NOS2: variants seen among roughly 807,000 people sequenced by gnomAD.
NOS2 encodes the protein nitric oxide synthase 2, also known as nitric oxide synthase, inducible.
A neutral mutation model predicts 136.0 loss-of-function variants in NOS2; 96 were observed. The observed-to-expected ratio is 0.71, with a 90% CI of 0.60 to 0.84. The LOEUF (loss-of-function observed/expected upper bound fraction) is 0.84, where lower values mean the gene tolerates loss of function less well. Among genes scored for constraint, NOS2 ranks in the 40% least tolerant of loss-of-function variants. The pLI, the probability that NOS2 is intolerant of heterozygous loss-of-function variation, is 0.00. For missense variants in NOS2, 1,237 were observed against 1,496.9 expected (o/e 0.83, Z 2.87); for synonymous variants, 539 against 587.5 (o/e 0.92, Z 1.20).
rs773023737 is a variant in NOS2, at chr17:27,772,411, G to A, written c.1601C>T (p.Ala534Val). Residue 534 changes from alanine (A) to valine (V), a missense_variant, in exon 14 of 27, where the codon GCG becomes GTG. Around this residue, in one of 3 missense-constraint regions of NOS2, gnomAD observed 782 missense variants for 909.9 expected, o/e 0.86. Transcript: ENST00000313735. ...GAGGATGGTGACTCTGACTCGGGAC[G>A]CCATTGTCTTGCGCATCAGCATACA... The part of the protein sequence containing the change: ...FACMLMRKTM[A>V]SRVRVTILFA... 45 of 1,613,924 alleles carry A rather than the reference G, an allele frequency of 2.8e-5. No homozygotes were observed. Among genetic ancestry groups the A allele is most frequent in the South Asian group, 5.5e-5 (5 of 91,084 alleles).
chr17:27,787,696 T>C lies in NOS2; in HGVS notation c.449A>G (p.Tyr150Cys). The C allele has an allele frequency of 6.2e-7, 1 of 1,613,156 alleles. No homozygotes were observed. Among genetic ancestry groups the C allele is most frequent in the Non-Finnish European group, 8.5e-7 (1 of 1,179,644 alleles). The change falls in exon 5 of 27, where the codon TAT becomes TGT. Residue 150 changes from tyrosine (Y) to cysteine (C), a missense_variant. Around this residue, in one of 3 missense-constraint regions of NOS2, gnomAD observed 440 missense variants for 545.4 expected, o/e 0.81. Transcript: ENST00000313735. ...LPQAIEFVNQ[Y>C]YGSFKEAKIE... is the part of the protein sequence containing the mutation. ...GCCTTACTCTTTGAAGGAGCCGTAA[T>C]ATTGGTTGACAAATTCGATAGCTTG...
At chr17:27,767,517 G>A (rs1225395317) in intron 18 of NOS2, among the ~76,000 whole-genome samples, 188 bp downstream of exon 18, 6 of 152,218 alleles carry the variant, frequency 3.9e-5, no homozygotes, top group Admixed American at 3.9e-4. Flanking sequence ...CCCTCCTGGG[G>A]CTCCCTCCTG....
In NOS2 at chr17:27,780,799, G is replaced by A. The variant is rs1032838114; in HGVS notation, c.972C>T (p.Asp324=). The A allele has an allele frequency of 1.2e-6, 2 of 1,614,206 alleles. No individual in the cohort carries two copies. The highest frequency in any genetic ancestry group is 8.5e-7 in the Non-Finnish European group (1 of 1,180,034). The change falls in exon 9 of 27, where the codon GAC becomes GAT. Residue 324 remains aspartate, a synonymous_variant. Coordinates refer to ENST00000313735, the MANE Select transcript of NOS2 (RefSeq NM_000625.4). ...RDPELFEIPP[D]LVLEVAMEHP... ...GTTCCATGGCCACCTCAAGCACAAG[G>A]TCAGGTGGGATTTCGAAGAGCTCAG...
At chr17:27,791,802 C>T (rs141501827) in intron 2 of NOS2, among the ~76,000 whole-genome samples, 126 of 124,342 alleles carry the variant, frequency 1.0e-3, no homozygotes, top group African/African-American at 3.7e-3. Context: ...CAAAACAAAA[C>T]AAAAATATAT....
intron 26 of NOS2, 25 bp from the exon 27 acceptor site, chr17:27,757,378 C>T (rs200170947): frequency 1.1e-4 from 174 of 1,607,386 alleles, no homozygotes; most frequent in Middle Eastern, 5.0e-4. Flanking sequence ...CAGAGAGCAA[C>T]GTGTCAAGTC....
chr17:27,769,547 T>G lies in NOS2; in HGVS notation c.1847A>C (p.Asn616Thr). 1.2e-6 allele frequency: 2 copies of G among 1,613,676 alleles called. No homozygotes were observed. The highest frequency in any genetic ancestry group is 1.7e-4 in the Middle Eastern group (1 of 6,012). ...KKSLFMLKELNNKFRYAVFGL... is the reference protein window; with the variant it reads ...KKSLFMLKELTNKFRYAVFGL... ...GAAAAAGCTTTACCTGAATTTGTTG[T>G]TGAGCTCTTTCAGCATGAAGAGCGA... Residue 616 changes from asparagine (N) to threonine (T), a missense_variant, in exon 16 of 27, where the codon AAC becomes ACC. Transcript: ENST00000313735.
chr17:27,791,136 A>G (rs887137477), intron 2 of NOS2, among the ~76,000 whole-genome samples: 1 of 152,254 alleles, frequency 6.6e-6, no homozygotes, highest in African/African-American at 2.4e-5. Flanking sequence ...ATTTTTTACT[A>G]TAAAGAGATA....
chr17:27,782,869 T>C, intron 6 of NOS2, 75 bp downstream of exon 6: 9 of 1,436,346 alleles, frequency 6.3e-6, no homozygotes, highest in Non-Finnish European at 8.7e-6. Flanking sequence ...CACAGCTCTG[T>C]GTGGCTGTTC....
chr17:27,772,183 T>C, intron 14 of NOS2, 125 bp downstream of exon 14: 5 of 1,054,408 alleles, frequency 4.7e-6, no homozygotes, highest in Non-Finnish European at 6.9e-6. Context: ...CTCTTCCAGA[T>C]TAATGATGCA....
chr17:27,759,974 G>C (rs552398569), intron 25 of NOS2, 56 bp downstream of exon 25: 2 of 1,440,448 alleles, frequency 1.4e-6, no homozygotes, highest in African/African-American at 1.5e-5. Context: ...GGGGACCCAG[G>C]GCTCACAGTG....
intron 1 of NOS2, among the ~76,000 whole-genome samples, chr17:27,799,104 A>AC (rs28998799): frequency 3.3e-5 from 5 of 151,376 alleles, no homozygotes; most frequent in African/African-American, 7.3e-5. Context: ...AAAACAATGA[A>AC]CCCCCCCATC....
rs748249358 is a variant in NOS2, at chr17:27,787,674, T to C, written c.467+4A>G. The C allele has an allele frequency of 1.2e-6, 2 of 1,610,392 alleles. No individual in the cohort carries two copies. Among genetic ancestry groups the C allele is most frequent in the Non-Finnish European group, 1.7e-6 (2 of 1,178,318 alleles). On this transcript the variant is annotated splice_donor_region_variant and intron_variant, in intron 5 of 26. Coordinates refer to ENST00000313735, the MANE Select transcript of NOS2 (RefSeq NM_000625.4). ...GCAGCGACCCTGCAGGAGGCAAGCC[T>C]TACTCTTTGAAGGAGCCGTAATATT...
In NOS2 at chr17:27,760,528, G is replaced by C. The variant is rs1212992458; in HGVS notation, c.3010+95C>G. 19 of 1,507,784 alleles carry C rather than the reference G, an allele frequency of 1.3e-5. 1 individual carries two copies. The Admixed American group carries it at 3.8e-4, about 30-fold the overall frequency. The allele number at this position is 1,507,784 out of a possible 1,614,324, so 93.4% of individuals were successfully genotyped here. A position where few individuals can be genotyped will look rare whatever the true frequency, so the allele number is the denominator to read the frequency against. ...GCAAACTTGGGAGGCCTTCCCTCGA[G>C]AGAGGTCAGGAACCGTTTGTGGGGC... On this transcript the variant is annotated intron_variant, in intron 24 of 26. Coordinates refer to ENST00000313735, the MANE Select transcript of NOS2 (RefSeq NM_000625.4).
rs1386924757 is a variant in NOS2, at chr17:27,767,795, G to A, written c.2077C>T (p.Gln693Ter). Residue 693 changes from glutamine to a stop codon, truncating the protein, a stop_gained, in exon 18 of 27, where the codon CAG becomes TAG. Coordinates refer to ENST00000313735, the MANE Select transcript of NOS2 (RefSeq NM_000625.4). LOFTEE classifies it high-confidence loss of function. ...TFDVRGKQHI[Q>*]IPKLYTSNVT... Reference sequence around the variant, plus strand: ...TTGGAGGTGTAGAGCTTGGGGATCTGAATGTGCTGTTTGCCTCGGACATCA... The same window carrying A: ...TTGGAGGTGTAGAGCTTGGGGATCTAAATGTGCTGTTTGCCTCGGACATCA... 1.2e-6 allele frequency: 2 copies of A among 1,608,008 alleles called. No homozygotes were observed. Among genetic ancestry groups the A allele is most frequent in the South Asian group, 1.1e-5 (1 of 90,502 alleles).
intron 11 of NOS2, among the ~76,000 whole-genome samples, chr17:27,776,936 T>C (rs1908677607): frequency 6.6e-6 from 1 of 152,208 alleles, no homozygotes. Context: ...CTGGAGACGC[T>C]CAGGCAGTGG....
Position 27,757,277 on chromosome 17 carries a change from T to C in NOS2, c.3431A>G (p.Gln1144Arg). The change falls in exon 27 of 27, where the codon CAG becomes CGG. Residue 1144 changes from glutamine to arginine, a missense_variant. Around this residue, in one of 3 missense-constraint regions of NOS2, gnomAD observed 782 missense variants for 909.9 expected, o/e 0.86. Transcript: ENST00000313735. The stretch of plus-strand genomic sequence containing the variant: ...CGCTGACATCTCCAGGCTGCTGGGC[T>C]GCACCGCCACCCTGTCCTTCTTCGC... ...YEAKKDRVAVQPSSLEMSAL is the reference protein window; with the variant it reads ...YEAKKDRVAVRPSSLEMSAL 6.2e-7 allele frequency: 1 copy of C among 1,614,100 alleles called. No individual in the cohort carries two copies. Among genetic ancestry groups the C allele is most frequent in the Non-Finnish European group, 8.5e-7 (1 of 1,179,984 alleles).
Position 27,771,029 on chromosome 17 carries a change from C to G in NOS2, c.1705-12G>C, listed in dbSNP as rs200236235. On this transcript the variant is annotated splice_polypyrimidine_tract_variant and intron_variant, in intron 14 of 26. Transcript: ENST00000313735. ...TCCATGCAGACAACCTGGATGGCAC[C>G]CAAGTGGACATCAGCCCTCGGCTCC... 3.7e-6 allele frequency: 6 copies of G among 1,605,016 alleles called. No homozygotes were observed. The highest frequency in any genetic ancestry group is 5.1e-6 in the Non-Finnish European group (6 of 1,172,296).
rs1908309663 is a variant in NOS2, at chr17:27,766,568, T to G, written c.2188A>C (p.Lys730Gln). 1 of 1,614,032 alleles carries G rather than the reference T, an allele frequency of 6.2e-7. No individual in the cohort carries two copies. Among genetic ancestry groups the G allele is most frequent in the African/African-American group, 1.3e-5 (1 of 74,926 alleles). Residue 730 changes from lysine to glutamine, a missense_variant, in exon 19 of 27, where the codon AAG becomes CAG. Transcript: ENST00000313735. ...LSKALSSMHA[K>Q]NVFTMRLKSR... ...TTGAGCCTCATGGTGAACACGTTCT[T>G]GGCATGCATGCTGCTGAGGGCTGTG...
chr17:27,777,044 C>T (rs1017207457), intron 11 of NOS2, among the ~76,000 whole-genome samples: 1 of 152,122 alleles, frequency 6.6e-6, no homozygotes, highest in Admixed American at 6.5e-5. Flanking sequence ...GCTGGGAGTC[C>T]CCAGGAGTCA....
Sources: allele counts gnomAD v4.1 joint callset (sites outside exome capture counted in the v4.1 genomes callset), GRCh38; gene constraint gnomAD v4.1.1; regional missense constraint gnomAD v4.1.1; transcripts MANE v1.5; gene names NCBI Gene and HGNC (gene_info 2026-07-23, HGNC 2026-07-21).